Variants in NCOA3 observed in about 807,000 individuals in gnomAD.
The protein encoded by NCOA3 is nuclear receptor coactivator 3, also known as CBP-interacting protein.
NCOA3 carries 51 observed loss-of-function variants against 158.8 expected under a neutral mutation model. The observed-to-expected ratio is 0.32, with a 90% CI of 0.26 to 0.41. The LOEUF (loss-of-function observed/expected upper bound fraction) is 0.41, where lower values mean the gene tolerates loss of function less well. NCOA3 is among the 10% of genes least tolerant of loss of function. NCOA3 has a pLI of 1.00. For missense variants in NCOA3, 1,510 were observed against 1,746.6 expected (o/e 0.86, Z 2.41); for synonymous variants, 537 against 592.4 (o/e 0.91, Z 1.36).
intron 16 of NCOA3, among the ~76,000 whole-genome samples, chr20:47,641,490 C>CTTGTTTTTT (rs2086608629): frequency 2.1e-5 from 1 of 48,342 alleles, no homozygotes; most frequent in African/African-American, 1.2e-4. Context: ...TGGCTCCCTT[C>CTTGTTTTTT]TTTTTTTTTT....
chr20:47,553,653 G>T (rs2084956977), intron 1 of NCOA3, among the ~76,000 whole-genome samples: 1 of 149,492 alleles, frequency 6.7e-6, no homozygotes. Flanking sequence ...GCGGTGTTTG[G>T]TTTTTTGTCC....
At chr20:47,642,161 C>T (rs1011225328) in intron 16 of NCOA3, 52 bp from the exon 17 acceptor site, 1 of 1,378,664 alleles carries the variant, frequency 7.3e-7, no homozygotes, top group Admixed American at 2.5e-5. Context: ...TGATCTATTA[C>T]TCTTAGAAAA....
At chr20:47,529,338 C>CT (rs1488236444) in intron 1 of NCOA3, among the ~76,000 whole-genome samples, 1 of 151,836 alleles carries the variant, frequency 6.6e-6, no homozygotes, top group Non-Finnish European at 1.5e-5. Context: ...AGGCTGGTCT[C>CT]TAACTCCTGA....
At position 47,571,066 on chromosome 20, in the gene NCOA3, A is replaced by G. The variant is rs570980425; in HGVS notation, c.-98-12117A>G. Among the ~76,000 whole-genome samples the G allele has an allele frequency of 1.2e-4, 18 of 148,408 alleles. No individual in the cohort carries two copies. In the East Asian group the frequency reaches 3.4e-3, roughly 28 times the overall value. On this transcript the variant is annotated intron_variant, in intron 1 of 22. Coordinates refer to ENST00000371998, the MANE Select transcript of NCOA3 (RefSeq NM_181659.3). ...GTCATCCAGGTTGGAGTGCGGTGGC[A>G]TGATCTCAGCTCACTGCAACCTCTG...
At position 47,637,706 on chromosome 20, in the gene NCOA3, T is replaced by G; in HGVS notation, c.2435T>G (p.Phe812Cys). The change falls in exon 13 of 23, where the codon TTT becomes TGT. Residue 812 changes from phenylalanine to cysteine, a missense_variant. Phe to Cys is a radical substitution (Grantham distance 205). Coordinates refer to ENST00000371998, the MANE Select transcript of NCOA3 (RefSeq NM_181659.3). ...CTTGGTGATCTGACTAGTTCTGACT[T>G]TTACAATAATTCCATATCCTCAAAT... ...AILGDLTSSD[F>C]YNNSISSNGS... 2 of 1,612,454 alleles carry G rather than the reference T, an allele frequency of 1.2e-6. No homozygotes were observed. The highest frequency in any genetic ancestry group is 8.5e-7 in the Non-Finnish European group (1 of 1,178,956).
chr20:47,651,876 C>T (rs1245815672), intron 20 of NCOA3, among the ~76,000 whole-genome samples: 3 of 151,774 alleles, frequency 2.0e-5, no homozygotes, highest in Non-Finnish European at 4.4e-5. Flanking sequence ...CTGTGTTAGC[C>T]AGGATGGTCT....
At chr20:47,563,804 TC>T (rs2146187003) in intron 1 of NCOA3, among the ~76,000 whole-genome samples, 1 of 148,734 alleles carries the variant, frequency 6.7e-6, no homozygotes, top group Admixed American at 6.8e-5. Context: ...CACGAGAATC[TC>T]TTGAACCTGG....
chr20:47,511,550 T>TATATATATACATACACACACACATACAC, intron 1 of NCOA3, among the ~76,000 whole-genome samples: 1 of 52,268 alleles, frequency 1.9e-5, no homozygotes, highest in Non-Finnish European at 4.0e-5. Context: ...TATATATATA[T>TATATATATACATACACACACACATACAC]ATATATTTCT....
chr20:47,505,800 C>CT (rs11434305), intron 1 of NCOA3, among the ~76,000 whole-genome samples: 66,742 of 119,084 alleles, frequency 0.56, 19,264 homozygotes, highest in East Asian at 0.7. Flanking sequence ...GCATTTTCTC[C>CT]TTTTTTTTTT....
chr20:47,584,475 C>T (rs551642863), intron 2 of NCOA3, among the ~76,000 whole-genome samples: 1 of 152,036 alleles, frequency 6.6e-6, no homozygotes, highest in African/African-American at 2.4e-5. Flanking sequence ...CAAAAATTAG[C>T]CGGGCATAGT....
intron 1 of NCOA3, among the ~76,000 whole-genome samples, chr20:47,558,892 T>C (rs2085055691): frequency 6.8e-6 from 1 of 147,882 alleles, no homozygotes; most frequent in Non-Finnish European, 1.5e-5. Context: ...TTTTAAATCC[T>C]CTGAAGTTAT....
intron 1 of NCOA3, among the ~76,000 whole-genome samples, chr20:47,560,968 CTTTTTTTTTT>C (rs11481985): frequency 3.0e-5 from 3 of 101,188 alleles, no homozygotes; most frequent in African/African-American, 7.9e-5. Context: ...ATCCCTCATT[CTTTTTTTTTT>C]TTTTTTTTTT....
In NCOA3 at chr20:47,636,000, A is replaced by T. The variant is rs778335139; in HGVS notation, c.1614A>T (p.Leu538Phe). The part of the protein sequence containing the change: ...AISEGVGTSL[L>F]STLSSPGPKL... Reference sequence around the variant, plus strand: ...GTGAAGGTGTGGGGACTTCCCTTTTATCTACTCTGTCATCACCAGGCCCCA... The same window carrying T: ...GTGAAGGTGTGGGGACTTCCCTTTTTTCTACTCTGTCATCACCAGGCCCCA... The change falls in exon 12 of 23, where the codon TTA (leucine) becomes TTT (phenylalanine). Residue 538 changes from leucine (L) to phenylalanine (F), a missense_variant. This residue lies in a region of NCOA3 where 1,017 missense variants were observed against 1,098.3 expected (regional missense o/e 0.93). Transcript: ENST00000371998. 3 of 1,613,928 alleles carry T rather than the reference A, an allele frequency of 1.9e-6. No individual in the cohort carries two copies. Among genetic ancestry groups the T allele is most frequent in the Non-Finnish European group, 2.5e-6 (3 of 1,180,002 alleles).
At chr20:47,576,197 A>C (rs2085369779) in intron 1 of NCOA3, among the ~76,000 whole-genome samples, 1 of 152,172 alleles carries the variant, frequency 6.6e-6, no homozygotes, top group Non-Finnish European at 1.5e-5. Flanking sequence ...GGATAGAGGA[A>C]CATTACCTGT....
intron 2 of NCOA3, among the ~76,000 whole-genome samples, chr20:47,596,926 G>A (rs1381163787): frequency 1.3e-5 from 2 of 152,084 alleles, no homozygotes; most frequent in Non-Finnish European, 2.9e-5. Context: ...TTTATACATT[G>A]TTTCTTGTTT....
chr20:47,614,068 G>GT (rs56383576), intron 2 of NCOA3, among the ~76,000 whole-genome samples: 70,162 of 151,688 alleles, frequency 0.46, 16,769 homozygotes, highest in Middle Eastern at 0.59. Flanking sequence ...ACAGTTCCAC[G>GT]TTATAAAAGC....
intron 1 of NCOA3, among the ~76,000 whole-genome samples, chr20:47,562,393 C>A (rs185984653): frequency 6.6e-6 from 1 of 152,294 alleles, no homozygotes; most frequent in East Asian, 1.9e-4. Context: ...ACATACTTTC[C>A]AGTGTTTGGT....
intron 1 of NCOA3, among the ~76,000 whole-genome samples, chr20:47,550,706 CAT>C (rs1482341448): frequency 6.6e-6 from 1 of 152,136 alleles, no homozygotes; most frequent in Non-Finnish European, 1.5e-5. Flanking sequence ...AATTGAATGA[CAT>C]CGCTTTCACA....
At chr20:47,581,256 A>G (rs1244240336) in intron 1 of NCOA3, among the ~76,000 whole-genome samples, 1 of 152,146 alleles carries the variant, frequency 6.6e-6, no homozygotes, top group African/African-American at 2.4e-5. Flanking sequence ...TGCATATGCA[A>G]ATATTTAAGA....
Sources: gnomAD v4.1 joint callset for allele counts (sites outside exome capture counted in the v4.1 genomes callset) on GRCh38, gnomAD v4.1.1 for gene constraint, gnomAD v4.1.1 regional missense constraint, MANE v1.5 for transcripts, NCBI Gene and HGNC (gene_info 2026-07-23, HGNC 2026-07-21) for gene names.